DNAJB6: variants seen among roughly 807,000 people sequenced by gnomAD.
DNAJB6 encodes DnaJ heat shock protein family (Hsp40) member B6.
Under a neutral mutation model 42.7 loss-of-function variants are expected in DNAJB6, and 16 were observed. That is an observed-to-expected ratio of 0.37 (90% CI 0.25 to 0.57). The LOEUF (loss-of-function observed/expected upper bound fraction) is 0.57, where lower values mean the gene tolerates loss of function less well. Ranked by LOEUF, DNAJB6 falls within the 20% of genes least tolerant of loss-of-function variation. The pLI is 0.74. For synonymous variants in DNAJB6, 170 were observed against 163.5 expected (o/e 1.04, Z -0.30); for missense variants, 347 against 416.8 (o/e 0.83, Z 1.46).
rs566987507 is a variant in DNAJB6, at chr7:157,338,040, C to G, written c.-27+896C>G. ...GCCTGTTTGGGAAGAGTAGGCTGAGCGGCGCTCTTTGTAGTTTTCAACGTT... is the reference window on the plus strand; with the variant it reads ...GCCTGTTTGGGAAGAGTAGGCTGAGGGGCGCTCTTTGTAGTTTTCAACGTT... On this transcript the variant is annotated intron_variant, in intron 1 of 9. Coordinates refer to ENST00000262177, the MANE Select transcript of DNAJB6 (RefSeq NM_058246.4). Among the ~76,000 whole-genome samples the G allele has an allele frequency of 1.4e-3, 210 of 152,252 alleles. 2 individuals carry two copies. Among genetic ancestry groups the G allele is most frequent in the Non-Finnish European group, 2.4e-3 (166 of 68,030 alleles).
intron 1 of DNAJB6, among the ~76,000 whole-genome samples, chr7:157,338,046 T>G (rs1439620317): frequency 6.6e-6 from 1 of 152,206 alleles, no homozygotes; most frequent in Non-Finnish European, 1.5e-5. Flanking sequence ...TGAGCGGCGC[T>G]CTTTGTAGTT....
rs907624666 is a variant in DNAJB6, at chr7:157,337,153, C to G, written c.-27+9C>G. 1 of 152,528 alleles carries G rather than the reference C, an allele frequency of 6.6e-6. No homozygotes were observed. Among genetic ancestry groups the G allele is most frequent in the African/African-American group, 2.4e-5 (1 of 41,454 alleles). The allele number at this position is 152,528 out of a possible 1,614,324, so 9.4% of individuals were successfully genotyped here. On this transcript the variant is annotated intron_variant, in intron 1 of 9. Coordinates refer to ENST00000262177, the MANE Select transcript of DNAJB6 (RefSeq NM_058246.4). ...GGCCGCTTCTGTCCTCGGTGAGGGT[C>G]TGTTCCGAGGGTCGGGGGAGGTCGC...
chr7:157,378,318 G>C (rs1054821505), intron 5 of DNAJB6: 1 of 152,196 alleles, frequency 6.6e-6, no homozygotes, highest in Non-Finnish European at 1.5e-5. Flanking sequence ...AGGTATAAAA[G>C]TATGATCAGT....
chr7:157,407,003 C>T (rs752884256), intron 8 of DNAJB6, among the ~76,000 whole-genome samples: 22 of 152,208 alleles, frequency 1.4e-4, no homozygotes, highest in South Asian at 2.1e-4. Context: ...ATGGCAGCCC[C>T]GGCTGACCCA....
chr7:157,363,033 G>A (rs1179277128), intron 2 of DNAJB6, 128 bp from the exon 3 acceptor site: 12 of 591,486 alleles, frequency 2.0e-5, no homozygotes, highest in Non-Finnish European at 3.3e-5. Flanking sequence ...AGGTTTTACA[G>A]TTAAAACCAG....
rs1308727700 is a variant in DNAJB6, at chr7:157,340,465, A to G, written c.-27+3321A>G. On this transcript the variant is annotated intron_variant, in intron 1 of 9. Coordinates refer to ENST00000262177, the MANE Select transcript of DNAJB6 (RefSeq NM_058246.4). The stretch of plus-strand genomic sequence containing the variant: ...AAGTTGGTGAAAACAAGAATATGTT[A>G]GAAACGATGATGTAGGAATGGAAAA... Among the ~76,000 whole-genome samples the G allele has an allele frequency of 4.6e-5, 7 of 152,260 alleles. No homozygotes were observed. In the South Asian group the frequency reaches 1.0e-3, roughly 23 times the overall value.
intron 1 of DNAJB6, among the ~76,000 whole-genome samples, chr7:157,351,616 TA>T (rs1323652716): frequency 6.8e-6 from 1 of 147,974 alleles, no homozygotes; most frequent in African/African-American, 2.5e-5. Context: ...CTGGGTGACA[TA>T]GTGAGACTCT....
chr7:157,350,226 A>G (rs975539801), intron 1 of DNAJB6, among the ~76,000 whole-genome samples: 14 of 152,166 alleles, frequency 9.2e-5, no homozygotes, highest in African/African-American at 3.1e-4. Flanking sequence ...GCACTAAGAC[A>G]TTACGACATT....
rs541278061 is a variant in DNAJB6, at chr7:157,365,874, G to C, written c.176-628G>C. 2.6e-5 allele frequency among the ~76,000 whole-genome samples: 4 copies of C among 151,942 alleles called. No individual in the cohort carries two copies. In the East Asian group the frequency reaches 7.8e-4, roughly 30 times the overall value. ...AGACTGGGTTTCTCCGTGTTGGCCA[G>C]GCTGCTCTCGAACTCCTGACCTCAG... On this transcript the variant is annotated intron_variant, in intron 3 of 9. Transcript: ENST00000262177.
chr7:157,393,665 G>T (rs904089698), intron 8 of DNAJB6, among the ~76,000 whole-genome samples: 11 of 152,096 alleles, frequency 7.2e-5, no homozygotes, highest in Non-Finnish European at 1.2e-4. Flanking sequence ...CCTAGTTACT[G>T]GTATTTTTTA....
At chr7:157,359,731 A>G (rs1799483952) in intron 2 of DNAJB6, among the ~76,000 whole-genome samples, 1 of 152,146 alleles carries the variant, frequency 6.6e-6, no homozygotes. Context: ...AGGCAGGAGA[A>G]TTGCTTGAGC....
At position 157,385,017 on chromosome 7, in the gene DNAJB6, G is replaced by A. The variant is rs886044673; in HGVS notation, c.620+9G>A. The A allele has an allele frequency of 1.2e-6, 2 of 1,611,738 alleles. No individual in the cohort carries two copies. Among genetic ancestry groups the A allele is most frequent in the Non-Finnish European group, 1.7e-6 (2 of 1,178,552 alleles). ...AAAATCACTACAAAGAGGTACTGTG[G>A]TATTCTGCATTTTATATTTTTAGTA... On this transcript the variant is annotated intron_variant, in intron 7 of 9. Transcript: ENST00000262177.
intron 4 of DNAJB6, among the ~76,000 whole-genome samples, chr7:157,367,168 C>G (rs1250814903): frequency 6.6e-6 from 1 of 152,234 alleles, no homozygotes; most frequent in Non-Finnish European, 1.5e-5. Flanking sequence ...GAAGGGGCCA[C>G]TGCTGCACTC....
chr7:157,366,646 C>T (rs1180623995), intron 4 of DNAJB6, 85 bp downstream of exon 4: 12 of 1,301,302 alleles, frequency 9.2e-6, no homozygotes, highest in African/African-American at 1.5e-5. Flanking sequence ...TGGTCAGAGT[C>T]GATTTTGTAT....
intron 1 of DNAJB6, among the ~76,000 whole-genome samples, chr7:157,353,615 G>GTGTGTGTGTGTGTGTA (rs1799119056): frequency 6.7e-6 from 1 of 149,032 alleles, no homozygotes; most frequent in Non-Finnish European, 1.5e-5. Flanking sequence ...GTGTGTGTGT[G>GTGTGTGTGTGTGTGTA]TGTGTGTATG....
At chr7:157,384,739 C>T (rs1175264854) in intron 6 of DNAJB6, 128 bp from the exon 7 acceptor site, 14 of 871,848 alleles carry the variant, frequency 1.6e-5, no homozygotes, top group Middle Eastern at 7.2e-4. Context: ...TTGATAGTTG[C>T]GTCGTTTATT....
chr7:157,363,394 T>C lies in DNAJB6; in HGVS notation c.175+124T>C, dbSNP rs1584901578. The C allele has an allele frequency of 1.7e-5, 10 of 595,506 alleles. No homozygotes were observed. In the East Asian group the frequency reaches 2.9e-4, roughly 17 times the overall value. 36.9% of individuals were successfully genotyped at this position (595,506 alleles called of 1,614,324 possible). A position where few individuals can be genotyped will look rare whatever the true frequency, so the allele number is the denominator to read the frequency against. ...TGACTTGTTTTTGATGCCTACTGGA[T>C]TTTGGGCCCTTCTAAGAGATTTTTA... On this transcript the variant is annotated intron_variant, in intron 3 of 9. Coordinates refer to ENST00000262177, the MANE Select transcript of DNAJB6 (RefSeq NM_058246.4).
chr7:157,373,117 A>C (rs921884639), intron 5 of DNAJB6, among the ~76,000 whole-genome samples: 2 of 149,902 alleles, frequency 1.3e-5, no homozygotes, highest in African/African-American at 5.1e-5. Context: ...CTTAGTGCCC[A>C]CTGTAATGAT....
intron 1 of DNAJB6, among the ~76,000 whole-genome samples, chr7:157,340,954 C>T (rs1441376253): frequency 2.7e-5 from 4 of 150,466 alleles, no homozygotes; most frequent in East Asian, 2.0e-4. Context: ...GCGTGACCCA[C>T]CGCACCTGGC....
Sources: allele counts gnomAD v4.1 joint callset (sites outside exome capture counted in the v4.1 genomes callset), GRCh38; gene constraint gnomAD v4.1.1; transcripts MANE v1.5; gene names NCBI Gene and HGNC (gene_info 2026-07-23, HGNC 2026-07-21).